Variants in NCOA4 observed in about 807,000 individuals in gnomAD.
The protein encoded by NCOA4 is nuclear receptor coactivator 4.
In NCOA4, 31 loss-of-function variants were observed where a neutral mutation model predicts 69.5. The observed-to-expected ratio is 0.45, with a 90% confidence interval of 0.34 to 0.60. The LOEUF (loss-of-function observed/expected upper bound fraction) is 0.60, where lower values mean the gene tolerates loss of function less well. NCOA4 is among the 20% of genes least tolerant of loss of function. The pLI, the probability that NCOA4 is intolerant of heterozygous loss-of-function variation, is 0.02. For missense variants in NCOA4, 600 were observed against 719.2 expected (o/e 0.83, Z 1.90); for synonymous variants, 228 against 252.4 (o/e 0.90, Z 0.92).
In NCOA4 at chr10:46,027,501, T is replaced by C; in HGVS notation, c.-15+3025A>G. 3.9e-6 allele frequency: 6 copies of C among 1,548,746 alleles called. No homozygotes were observed. In the South Asian group the frequency reaches 7.2e-5, roughly 19 times the overall value. The stretch of plus-strand genomic sequence containing the variant: ...ACCTCCACATTGTTCATGTGCGTTC[T>C]ATGTTGAAGCAATGTGTCCAGACAT... On this transcript the variant is annotated intron_variant, in intron 1 of 9. Transcript: ENST00000581486.
Position 46,014,518 on chromosome 10 carries a change from T to C in NCOA4, c.406A>G (p.Thr136Ala), listed in dbSNP as rs1839419794. Residue 136 changes from threonine (T) to alanine (A), a missense_variant, in exon 5 of 10, where the codon ACT becomes GCT. Coordinates refer to ENST00000581486, the MANE Select transcript of NCOA4 (RefSeq NM_001145263.2). ...GSLTLKPEDS[T>A]VLLFEADTIT... is the part of the protein sequence containing the mutation. ...GTGTCAGCTTCAAAGAGCAGGACAG[T>C]TGAATCTTCAGGCTTAAGGGTCAAA... 6.2e-7 allele frequency: 1 copy of C among 1,613,758 alleles called. No homozygotes were observed. Among genetic ancestry groups the C allele is most frequent in the African/African-American group, 1.3e-5 (1 of 74,864 alleles).
rs782574130 is a variant in NCOA4, at chr10:46,010,508, A to C, written c.1413T>G (p.Thr471=). ...LCPRKEVIEQ[T]KAPKAMTPSR... ...AAGGAGTCATTGCCTTTGGTGCTTT[A>C]GTTTGTTCTATTACTTCTTTTCTAG... The change falls in exon 8 of 10, where the codon ACT becomes ACG. Residue 471 remains threonine (T), a synonymous_variant. Transcript: ENST00000581486. 3.7e-6 allele frequency: 6 copies of C among 1,614,132 alleles called. No individual in the cohort carries two copies. In the East Asian group the frequency reaches 8.9e-5, roughly 24 times the overall value.
chr10:46,007,810 A>C (rs553901021), intron 9 of NCOA4, among the ~76,000 whole-genome samples: 11 of 152,028 alleles, frequency 7.2e-5, no homozygotes, highest in Admixed American at 6.6e-4. Flanking sequence ...GCTGGTGTTA[A>C]ACTCCTTGGC....
chr10:46,015,970 A>G (rs1195800037), intron 2 of NCOA4, among the ~76,000 whole-genome samples: 3 of 152,246 alleles, frequency 2.0e-5, no homozygotes, highest in African/African-American at 7.2e-5. Context: ...GACAATATAC[A>G]TAAGAAACTG....
chr10:46,016,426 G>A (rs914924765), intron 2 of NCOA4, 114 bp downstream of exon 2: 31 of 951,484 alleles, frequency 3.3e-5, no homozygotes, highest in Admixed American at 9.2e-5. Flanking sequence ...AGTAGACCAC[G>A]CAAGGCATGG....
intron 8 of NCOA4, 47 bp from the exon 9 acceptor site, chr10:46,009,598 A>ATGAGATAAGT (rs1554920632): frequency 1.3e-6 from 2 of 1,536,900 alleles, no homozygotes; most frequent in Admixed American, 3.8e-5. Context: ...ACAAGGAGGC[A>ATGAGATAAGT]TGAGACCAAC....
intron 9 of NCOA4, among the ~76,000 whole-genome samples, chr10:46,006,811 CCTATTT>C (rs1324264821): frequency 6.6e-6 from 1 of 152,120 alleles, no homozygotes; most frequent in Non-Finnish European, 1.5e-5. Flanking sequence ...ACAGCCTTTC[CCTATTT>C]CTCTTCTCTC....
At chr10:46,011,706 C>CA (rs1839215993) in intron 7 of NCOA4, among the ~76,000 whole-genome samples, 1 of 151,724 alleles carries the variant, frequency 6.6e-6, no homozygotes, top group Admixed American at 6.6e-5. Flanking sequence ...AAATAAAGCA[C>CA]AAAAAATAAG....
intron 6 of NCOA4, 70 bp downstream of exon 6, chr10:46,013,480 G>T: frequency 1.8e-6 from 2 of 1,113,602 alleles, no homozygotes; most frequent in South Asian, 1.4e-5. Context: ...TTTTTTTAAT[G>T]CTATATAAAA....
At chr10:46,027,266 C>T (rs1170528658) in intron 1 of NCOA4, among the ~76,000 whole-genome samples, 1 of 97,744 alleles carries the variant, frequency 1.0e-5, no homozygotes, top group Non-Finnish European at 2.0e-5. Context: ...AAGACTCCGT[C>T]TCAAAAAAAA....
chr10:46,021,642 TC>T (rs1313171494), intron 1 of NCOA4, among the ~76,000 whole-genome samples: 2 of 152,166 alleles, frequency 1.3e-5, no homozygotes, highest in African/African-American at 4.8e-5. Flanking sequence ...TTGTTCAGAA[TC>T]TTCTGCCTTG....
intron 9 of NCOA4, 78 bp downstream of exon 9, chr10:46,009,333 A>G: frequency 6.5e-7 from 1 of 1,534,716 alleles, no homozygotes. Flanking sequence ...TGAGCCAAGT[A>G]TGACTTCATA....
chr10:46,023,931 G>A (rs552250069), intron 1 of NCOA4, among the ~76,000 whole-genome samples: 3 of 152,158 alleles, frequency 2.0e-5, no homozygotes, highest in African/African-American at 7.2e-5. Flanking sequence ...TTACCTTTCA[G>A]TCGATTTTTT....
intron 8 of NCOA4, 76 bp downstream of exon 8, chr10:46,010,147 G>A: frequency 6.7e-7 from 1 of 1,493,924 alleles, no homozygotes; most frequent in South Asian, 1.4e-5. Flanking sequence ...CAGCCTGAGT[G>A]ACAGAGACCC....
intron 2 of NCOA4, among the ~76,000 whole-genome samples, chr10:46,015,694 G>A (rs1839501367): frequency 6.6e-6 from 1 of 152,170 alleles, no homozygotes; most frequent in Admixed American, 6.5e-5. Flanking sequence ...GGTTTTACAA[G>A]TTTATCAGCA....
In NCOA4 at chr10:46,021,482, T is replaced by G. The variant is rs79845894; in HGVS notation, c.-14-4788A>C. Among the ~76,000 whole-genome samples, 296 of 152,332 alleles carry G rather than the reference T, an allele frequency of 1.9e-3. 7 individuals carry two copies. The East Asian group carries it at 0.05, about 26-fold the overall frequency. On this transcript the variant is annotated intron_variant, in intron 1 of 9. Coordinates refer to ENST00000581486, the MANE Select transcript of NCOA4 (RefSeq NM_001145263.2). Reference sequence around the variant, plus strand: ...CTGGGTTCTCTCTCCCAGATGAGCTTGTTCTTCCTTTAGTGTATTATCACC... The same window carrying G: ...CTGGGTTCTCTCTCCCAGATGAGCTGGTTCTTCCTTTAGTGTATTATCACC...
At chr10:46,015,801 G>C (rs565147036) in intron 2 of NCOA4, among the ~76,000 whole-genome samples, 16 of 152,320 alleles carry the variant, frequency 1.1e-4, no homozygotes, top group South Asian at 2.1e-4. Context: ...ATTTAGTAAA[G>C]AGATGTGCCA....
At chr10:46,011,295 T>C in intron 7 of NCOA4, 89 bp from the exon 8 acceptor site, 1 of 1,325,004 alleles carries the variant, frequency 7.5e-7, no homozygotes, top group South Asian at 1.4e-5. Context: ...TTTGAGACAG[T>C]CTCACTCTGT....
chr10:46,021,921 T>C (rs190875452), intron 1 of NCOA4, among the ~76,000 whole-genome samples: 4 of 152,166 alleles, frequency 2.6e-5, no homozygotes, highest in Admixed American at 6.5e-5. Context: ...GTCGCAGCCA[T>C]TGCACTCCAG....
Sources: gnomAD v4.1 joint callset for allele counts (sites outside exome capture counted in the v4.1 genomes callset) on GRCh38, gnomAD v4.1.1 for gene constraint, MANE v1.5 for transcripts, NCBI Gene and HGNC (gene_info 2026-07-23, HGNC 2026-07-21) for gene names.